CELF2: variants seen among roughly 807,000 people sequenced by gnomAD.
CELF2 encodes CUGBP Elav-like family member 2, also known as CUG triplet repeat RNA-binding protein 2.
A neutral mutation model predicts 62.6 loss-of-function variants in CELF2; 8 were observed. The ratio of observed to expected loss-of-function variants is 0.13; its 90% CI spans 0.07 to 0.23. The LOEUF (loss-of-function observed/expected upper bound fraction) is 0.23. Among genes scored for constraint, CELF2 ranks in the 10% least tolerant of loss-of-function variants. The pLI is 1.00. For missense variants in CELF2, 333 were observed against 671.0 expected, an observed-to-expected ratio of 0.50 and a Z score of 5.56; for synonymous variants, 258 against 250.0, an observed-to-expected ratio of 1.03 and a Z score of -0.30.
chr10:11,175,545 A>G lies in CELF2; in HGVS notation c.271+9863A>G, dbSNP rs1282732990. ...CATGTAGAGTTTGAGCCAAACTTTT[A>G]CAGAGACGAGGTGGTGAACTTAGAG... On this transcript the variant is annotated intron_variant, in intron 2 of 12. Coordinates refer to ENST00000633077, the MANE Select transcript of CELF2 (RefSeq NM_001326342.2). 6.6e-5 allele frequency among the ~76,000 whole-genome samples: 10 copies of G among 152,302 alleles called. No homozygotes were observed. The East Asian group carries it at 1.5e-3, about 23-fold the overall frequency.
At position 11,157,671 on chromosome 10, in the gene CELF2, A is replaced by G. The variant is rs1354882252; in HGVS notation, c.75-7815A>G. Among the ~76,000 whole-genome samples, 1 of 152,200 alleles carries G rather than the reference A, an allele frequency of 6.6e-6. No homozygotes were observed. Among genetic ancestry groups the G allele is most frequent in the Non-Finnish European group, 1.5e-5 (1 of 68,036 alleles). On this transcript the variant is annotated intron_variant, in intron 1 of 12. Coordinates refer to ENST00000633077, the MANE Select transcript of CELF2 (RefSeq NM_001326342.2). The surrounding 1 kb of genome is among the most constrained non-coding windows in gnomAD (Gnocchi z 4.9). ...TCAAACCTACCACTGTGCCTGACAT[A>G]AAGCAGATATTCAGTAACTGAGAAT...
At chr10:11,240,257 T>G (rs7918949) in intron 3 of CELF2, among the ~76,000 whole-genome samples, 3 of 152,008 alleles carry the variant, frequency 2.0e-5, no homozygotes, top group Non-Finnish European at 4.4e-5. Context: ...GCAGTTAACA[T>G]AAAGCCACAT....
At chr10:10,991,948 G>A (rs150474682) in intron 2 of CELF2, among the ~76,000 whole-genome samples, 6 of 152,120 alleles carry the variant, frequency 3.9e-5, no homozygotes, top group Non-Finnish European at 8.8e-5. Flanking sequence ...CATTCACTTG[G>A]TTATTTTTTA....
intron 3 of CELF2, among the ~76,000 whole-genome samples, chr10:11,218,410 A>G (rs2063886981): frequency 6.6e-6 from 1 of 152,224 alleles, no homozygotes; most frequent in African/African-American, 2.4e-5. Flanking sequence ...CTCTGAACGC[A>G]TACACAAACA....
At chr10:10,638,725 G>C in the CELF2 span, among the ~76,000 whole-genome samples, 1 of 152,154 alleles carries the variant, frequency 6.6e-6, no homozygotes, top group Non-Finnish European at 1.5e-5. Context: ...ATCTGACTCA[G>C]GGCAAGGCAA....
intron 1 of CELF2, among the ~76,000 whole-genome samples, chr10:10,911,149 GC>G (rs1215401779): frequency 9.2e-5 from 14 of 152,136 alleles, no homozygotes; most frequent in African/African-American, 3.4e-4. Context: ...GCAAACATAA[GC>G]CCTTCCCACT....
the CELF2 span, among the ~76,000 whole-genome samples, chr10:10,732,340 C>T: frequency 6.6e-6 from 1 of 152,140 alleles, no homozygotes; most frequent in Non-Finnish European, 1.5e-5. Context: ...ATTGCAGGTC[C>T]ACATTGCATC....
intron 1 of CELF2, among the ~76,000 whole-genome samples, chr10:10,883,038 A>G (rs1223898417): frequency 6.6e-6 from 1 of 152,216 alleles, no homozygotes; most frequent in Non-Finnish European, 1.5e-5. Context: ...TAATTAAGAT[A>G]AGGTAGCACC....
At position 11,045,761 on chromosome 10, in the gene CELF2, C is replaced by T. The variant is rs368508214; in HGVS notation, c.74+27598C>T. On this transcript the variant is annotated intron_variant, in intron 1 of 12. Transcript: ENST00000633077. ...TCATTCCATTTGTTGAAAAAGGGAA[C>T]GGGGCCTACTGCTGAACGCAATATA... is the stretch of plus-strand genomic sequence containing the variant. 1.7e-3 allele frequency among the ~76,000 whole-genome samples: 265 copies of T among 152,262 alleles called. 1 individual carries two copies. The highest frequency in any genetic ancestry group is 5.8e-3 in the African/African-American group (241 of 41,544).
chr10:10,532,630 A>G, the CELF2 span, among the ~76,000 whole-genome samples: 1 of 152,222 alleles, frequency 6.6e-6, no homozygotes, highest in South Asian at 2.1e-4. Flanking sequence ...TAGTCTTAAT[A>G]TCTAAATAGG....
intron 1 of CELF2, among the ~76,000 whole-genome samples, chr10:11,044,738 A>G (rs991474541): frequency 5.3e-5 from 8 of 152,186 alleles, no homozygotes; most frequent in Non-Finnish European, 1.0e-4. Context: ...ATAATATCTT[A>G]TTGTGGTTCT....
chr10:10,973,952 C>G (rs959460784), intron 2 of CELF2, among the ~76,000 whole-genome samples: 2 of 152,174 alleles, frequency 1.3e-5, no homozygotes, highest in African/African-American at 2.4e-5. Flanking sequence ...ATTTTTGGTA[C>G]CTTTCCCCCA....
the CELF2 span, among the ~76,000 whole-genome samples, chr10:10,737,728 C>T: frequency 8.6e-5 from 13 of 151,956 alleles, no homozygotes; most frequent in Admixed American, 3.3e-4. Context: ...GCTAGATTGG[C>T]ATAAGAAACC....
At chr10:10,731,227 C>G in the CELF2 span, among the ~76,000 whole-genome samples, 1 of 150,760 alleles carries the variant, frequency 6.6e-6, no homozygotes, top group Non-Finnish European at 1.5e-5. Flanking sequence ...GTTAAGGAAG[C>G]AAAGATCCTG....
At chr10:10,857,464 T>A (rs1290324518) in intron 1 of CELF2, among the ~76,000 whole-genome samples, 1 of 151,636 alleles carries the variant, frequency 6.6e-6, no homozygotes, top group Non-Finnish European at 1.5e-5. Context: ...CTCAGAAGGC[T>A]CAGGCTGCCC....
In CELF2 at chr10:11,227,217, A is replaced by G. The variant is rs1039076426; in HGVS notation, c.354+9710A>G. ...AAACTCCTGGAGGCCTTTAGAAAGGAACTGTTCTACCCTGTTGTTTTACTA... is the reference window on the plus strand; with the variant it reads ...AAACTCCTGGAGGCCTTTAGAAAGGGACTGTTCTACCCTGTTGTTTTACTA... On this transcript the variant is annotated intron_variant, in intron 3 of 12. Transcript: ENST00000633077. This position sits in a 1 kb window ranked among gnomAD's most constrained non-coding sequence, Gnocchi z 4.8. 6.6e-6 allele frequency among the ~76,000 whole-genome samples: 1 copy of G among 152,222 alleles called. No individual in the cohort carries two copies. Among genetic ancestry groups the G allele is most frequent in the Non-Finnish European group, 1.5e-5 (1 of 68,052 alleles).
the CELF2 span, among the ~76,000 whole-genome samples, chr10:10,693,978 A>G: frequency 6.6e-6 from 1 of 151,208 alleles, no homozygotes; most frequent in South Asian, 2.1e-4. Flanking sequence ...GGATTCATTA[A>G]TTTTTTGAAG....
chr10:10,779,138 T>C, the CELF2 span, among the ~76,000 whole-genome samples: 3 of 152,240 alleles, frequency 2.0e-5, no homozygotes, highest in African/African-American at 7.2e-5. Context: ...CATCTCTCCA[T>C]GACTAACATT....
the CELF2 span, among the ~76,000 whole-genome samples, chr10:10,552,909 C>T: frequency 6.6e-6 from 1 of 152,296 alleles, no homozygotes; most frequent in Admixed American, 6.5e-5. Flanking sequence ...CAGTCAGATT[C>T]CTGATGAGGG....
Sources: gnomAD v4.1 joint callset for allele counts (sites outside exome capture counted in the v4.1 genomes callset) on GRCh38, gnomAD v4.1.1 for gene constraint, Gnocchi (gnomAD v3.1) non-coding constraint, MANE v1.5 for transcripts, NCBI Gene and HGNC (gene_info 2026-07-23, HGNC 2026-07-21) for gene names.